The following SDCCAG8 variants were observed in gnomAD, a reference collection of about 807,000 sequenced individuals.
The protein encoded by SDCCAG8 is SHH signaling and ciliogenesis regulator SDCCAG8.
Under a neutral mutation model 101.8 loss-of-function variants are expected in SDCCAG8, and 74 were observed. The observed-to-expected ratio is 0.73, with a 90% CI of 0.60 to 0.88. SDCCAG8 has a LOEUF of 0.88. SDCCAG8 is among the 40% of genes least tolerant of loss of function. SDCCAG8 has a pLI of 0.00. For synonymous variants in SDCCAG8, 281 were observed against 292.9 expected (o/e 0.96, Z 0.41); for missense variants, 787 against 822.6 (o/e 0.96, Z 0.53).
intron 16 of SDCCAG8, among the ~76,000 whole-genome samples, chr1:243,437,416 C>A (rs72759878): frequency 0.04 from 6,156 of 152,138 alleles, 183 homozygotes; most frequent in South Asian, 0.13. Context: ...AGAGTAAACC[C>A]AGGATGCTCT....
intron 13 of SDCCAG8, among the ~76,000 whole-genome samples, chr1:243,404,128 A>T (rs2079591571): frequency 6.6e-6 from 1 of 152,232 alleles, no homozygotes. Flanking sequence ...GAAGGGATAA[A>T]GGCTGAAAGT....
At chr1:243,394,119 C>T (rs1447672220) in intron 13 of SDCCAG8, among the ~76,000 whole-genome samples, 1 of 152,138 alleles carries the variant, frequency 6.6e-6, no homozygotes, top group East Asian at 1.9e-4. Context: ...TCCAGATCTC[C>T]TACATCTGCT....
At chr1:243,257,617 A>G (rs2066868529) in intron 1 of SDCCAG8, among the ~76,000 whole-genome samples, 1 of 152,230 alleles carries the variant, frequency 6.6e-6, no homozygotes, top group Non-Finnish European at 1.5e-5. Flanking sequence ...TAGAAAGTTT[A>G]TCTTCTCATG....
At chr1:243,299,924 G>A (rs1405675312) in intron 6 of SDCCAG8, among the ~76,000 whole-genome samples, 1 of 151,250 alleles carries the variant, frequency 6.6e-6, no homozygotes, top group Non-Finnish European at 1.5e-5. Flanking sequence ...GAGTGCAATG[G>A]AATGGTCTTG....
At chr1:243,359,633 T>C (rs891355097) in intron 12 of SDCCAG8, among the ~76,000 whole-genome samples, 27 of 152,122 alleles carry the variant, frequency 1.8e-4, no homozygotes, top group Admixed American at 1.6e-3. Flanking sequence ...AAAACTGAAA[T>C]GACATGCCAG....
At chr1:243,433,285 G>A (rs1022625396) in intron 16 of SDCCAG8, among the ~76,000 whole-genome samples, 2 of 151,300 alleles carry the variant, frequency 1.3e-5, no homozygotes, top group African/African-American at 4.9e-5. Flanking sequence ...TCGGAGGGCG[G>A]AGGTTGCAGT....
intron 16 of SDCCAG8, among the ~76,000 whole-genome samples, chr1:243,427,434 G>A (rs2081411439): frequency 6.6e-6 from 1 of 152,050 alleles, no homozygotes; most frequent in Non-Finnish European, 1.5e-5. Flanking sequence ...AATAATCTCA[G>A]TATTTCACAG....
intron 12 of SDCCAG8, among the ~76,000 whole-genome samples, chr1:243,360,321 T>A (rs1481108106): frequency 1.3e-5 from 2 of 151,788 alleles, no homozygotes; most frequent in African/African-American, 4.8e-5. Flanking sequence ...AATTTTTTTT[T>A]ATTTGTATTT....
chr1:243,377,858 A>G (rs1361467050), intron 12 of SDCCAG8, among the ~76,000 whole-genome samples: 1 of 148,020 alleles, frequency 6.8e-6, no homozygotes, highest in East Asian at 2.0e-4. Context: ...TTAATAGCCT[A>G]AATATTTTTA....
chr1:243,400,391 T>C (rs906096044), intron 13 of SDCCAG8, among the ~76,000 whole-genome samples: 1 of 152,216 alleles, frequency 6.6e-6, no homozygotes, highest in Non-Finnish European at 1.5e-5. Context: ...TTATTCGTTA[T>C]TGTATCTCAT....
At chr1:243,499,725 A>ATTGAAACT in intron 17 of SDCCAG8, 31 bp from the exon 18 acceptor site, 1 of 1,570,694 alleles carries the variant, frequency 6.4e-7, no homozygotes, top group Non-Finnish European at 8.8e-7. Flanking sequence ...AACATGAGCT[A>ATTGAAACT]TTGAAACTTA....
chr1:243,366,127 C>G (rs2076977681), intron 12 of SDCCAG8, among the ~76,000 whole-genome samples: 1 of 151,736 alleles, frequency 6.6e-6, no homozygotes, highest in South Asian at 2.1e-4. Flanking sequence ...CAATAATAAA[C>G]TTCTTGTATT....
At chr1:243,294,501 A>AAAGAGGGAGAGAGAGAGAG (rs2070627196) in intron 6 of SDCCAG8, among the ~76,000 whole-genome samples, 1 of 26,684 alleles carries the variant, frequency 3.7e-5, no homozygotes, top group Non-Finnish European at 8.6e-5. Flanking sequence ...GAGAGAGAGA[A>AAAGAGGGAGAGAGAGAGAG]AGAGCGAGAG....
chr1:243,487,615 G>A (rs1012079633), intron 16 of SDCCAG8, among the ~76,000 whole-genome samples: 1 of 152,120 alleles, frequency 6.6e-6, no homozygotes, highest in African/African-American at 2.4e-5. Flanking sequence ...AGGCGCCAGG[G>A]CGTCCCTTAG....
intron 16 of SDCCAG8, among the ~76,000 whole-genome samples, chr1:243,467,997 C>G (rs1030458108): frequency 2.2e-4 from 34 of 152,170 alleles, no homozygotes; most frequent in African/African-American, 7.2e-4. Flanking sequence ...CCCAGTAGCT[C>G]TACGTGAGTT....
chr1:243,421,563 C>T (rs1386206346), intron 15 of SDCCAG8, among the ~76,000 whole-genome samples: 2 of 152,192 alleles, frequency 1.3e-5, no homozygotes, highest in African/African-American at 4.8e-5. Context: ...AGTTTGCGCG[C>T]TCTGTGTACT....
chr1:243,428,440 A>G (rs1165426204), intron 16 of SDCCAG8, among the ~76,000 whole-genome samples: 2 of 152,202 alleles, frequency 1.3e-5, no homozygotes, highest in East Asian at 1.9e-4. Flanking sequence ...ATTATAGTTG[A>G]CCCTTAAACA....
intron 12 of SDCCAG8, among the ~76,000 whole-genome samples, chr1:243,356,509 C>CT (rs886274771): frequency 3.5e-4 from 52 of 150,536 alleles, no homozygotes; most frequent in Admixed American, 1.2e-3. Context: ...AAGAATTGGG[C>CT]TTTTTTTTTC....
chr1:243,377,941 T>C (rs1050301614), intron 12 of SDCCAG8, among the ~76,000 whole-genome samples: 2 of 151,158 alleles, frequency 1.3e-5, no homozygotes, highest in African/African-American at 4.8e-5. Flanking sequence ...TCTACTTTAA[T>C]ATATAAATTA....
Sources: allele counts gnomAD v4.1 joint callset (sites outside exome capture counted in the v4.1 genomes callset), GRCh38; gene constraint gnomAD v4.1.1; transcripts MANE v1.5; gene names NCBI Gene and HGNC (gene_info 2026-07-23, HGNC 2026-07-21).